ABI3BP: variants seen among roughly 807,000 people sequenced by gnomAD.
ABI3BP encodes the protein target of Nesh-SH3.
A neutral mutation model predicts 268.6 loss-of-function variants in ABI3BP; 216 were observed. That is an observed-to-expected ratio of 0.80 (90% CI 0.72 to 0.90). ABI3BP has a LOEUF of 0.90. Ranked by LOEUF, ABI3BP falls within the 40% of genes least tolerant of loss-of-function variation. ABI3BP has a pLI of 0.00. For synonymous variants in ABI3BP, 730 were observed against 730.0 expected (o/e 1.00, Z 0.00); for missense variants, 2,090 against 2,182.4 (o/e 0.96, Z 0.84).
chr3:100,838,562 C>T (rs531695768), intron 24 of ABI3BP, 98 bp from the exon 25 acceptor site: 159 of 1,016,684 alleles, frequency 1.6e-4, no homozygotes, highest in Middle Eastern at 1.4e-3. Context: ...ATAAATTCAA[C>T]GAATCTATAA....
chr3:100,928,097 A>G (rs144002198), intron 1 of ABI3BP, among the ~76,000 whole-genome samples: 145 of 152,046 alleles, frequency 9.5e-4, no homozygotes, highest in Non-Finnish European at 1.5e-3. Flanking sequence ...GATGGTGTTG[A>G]TCAAGACCCC....
chr3:100,810,355 A>G, intron 49 of ABI3BP, 57 bp downstream of exon 49: 2 of 1,419,068 alleles, frequency 1.4e-6, no homozygotes, highest in East Asian at 2.5e-5. Flanking sequence ...TGAGGTGACC[A>G]TACTGACATT....
At chr3:100,824,342 C>T (rs538365128) in intron 36 of ABI3BP, among the ~76,000 whole-genome samples, 2 of 152,250 alleles carry the variant, frequency 1.3e-5, no homozygotes, top group South Asian at 2.1e-4. Flanking sequence ...CCTCAGTGGG[C>T]CCAAGGTCCA....
intron 9 of ABI3BP, among the ~76,000 whole-genome samples, chr3:100,873,786 G>A (rs1291197168): frequency 1.3e-5 from 2 of 152,218 alleles, no homozygotes; most frequent in Admixed American, 1.3e-4. Context: ...ATGAGCAGGT[G>A]CCATGCCTGG....
chr3:100,935,763 G>T (rs1045468504), intron 1 of ABI3BP, among the ~76,000 whole-genome samples: 4 of 152,114 alleles, frequency 2.6e-5, no homozygotes, highest in African/African-American at 9.7e-5. Flanking sequence ...GTTCACTCAT[G>T]ATTTGGCTCT....
At chr3:100,871,013 A>C (rs968975209) in intron 9 of ABI3BP, among the ~76,000 whole-genome samples, 1 of 152,214 alleles carries the variant, frequency 6.6e-6, no homozygotes, top group Non-Finnish European at 1.5e-5. Context: ...ATAAAACTTT[A>C]TGAGGGATGG....
intron 14 of ABI3BP, among the ~76,000 whole-genome samples, chr3:100,858,343 C>T (rs2098961352): frequency 6.6e-6 from 1 of 152,112 alleles, no homozygotes; most frequent in South Asian, 2.1e-4. Flanking sequence ...AATGACAGAT[C>T]AGGACAAATA....
At chr3:100,848,266 A>G (rs2098797069) in intron 18 of ABI3BP, among the ~76,000 whole-genome samples, 1 of 152,200 alleles carries the variant, frequency 6.6e-6, no homozygotes, top group Non-Finnish European at 1.5e-5. Flanking sequence ...ATTATAATAA[A>G]CATGCACACC....
intron 1 of ABI3BP, among the ~76,000 whole-genome samples, chr3:100,984,014 T>A (rs1488846625): frequency 6.6e-6 from 1 of 152,206 alleles, no homozygotes; most frequent in African/African-American, 2.4e-5. Flanking sequence ...AAAAACGTAC[T>A]TGCAACCTTT....
At chr3:100,755,882 TAAG>T (rs1278770250) in intron 63 of ABI3BP, among the ~76,000 whole-genome samples, 7 of 152,222 alleles carry the variant, frequency 4.6e-5, no homozygotes, top group South Asian at 2.1e-4. Flanking sequence ...TATAATTAAA[TAAG>T]AATGCAGAAT....
intron 4 of ABI3BP, among the ~76,000 whole-genome samples, chr3:100,892,297 A>G (rs1363313528): frequency 6.6e-6 from 1 of 152,122 alleles, no homozygotes; most frequent in African/African-American, 2.4e-5. Context: ...GAAAGGAATC[A>G]CACACACACA....
At chr3:100,873,232 A>G (rs986628532) in intron 9 of ABI3BP, among the ~76,000 whole-genome samples, 7 of 152,232 alleles carry the variant, frequency 4.6e-5, no homozygotes, top group African/African-American at 1.4e-4. Flanking sequence ...TATTTGAAAA[A>G]CACATGAAGA....
chr3:100,959,648 G>T (rs1210258046), intron 1 of ABI3BP, among the ~76,000 whole-genome samples: 1 of 152,030 alleles, frequency 6.6e-6, no homozygotes, highest in Admixed American at 6.5e-5. Context: ...ACCTTCTTTT[G>T]GTTGTAGGCT....
chr3:100,864,074 G>C lies in ABI3BP; in HGVS notation c.1066C>G (p.Leu356Val), dbSNP rs2099025582. ...ALDVSETTLVLSKRTPETLQT... is the reference protein window; with the variant it reads ...ALDVSETTLVVSKRTPETLQT... ...AATGTTTCCGGGGTCCTTTTGCTGAGAACTACAATAAAAAAGAGTGCAGTT... is the reference window on the plus strand; with the variant it reads ...AATGTTTCCGGGGTCCTTTTGCTGACAACTACAATAAAAAAGAGTGCAGTT... Residue 356 changes from leucine (L) to valine (V), a missense_variant and splice_region_variant, in exon 12 of 68, where the codon CTC (leucine) becomes GTC (valine). Leu to Val is a conservative substitution (Grantham distance 32). Coordinates refer to ENST00000471714, the MANE Select transcript of ABI3BP (RefSeq NM_001375547.2). 10 of 1,535,098 alleles carry C rather than the reference G, an allele frequency of 6.5e-6. No individual in the cohort carries two copies. Among genetic ancestry groups the C allele is most frequent in the Non-Finnish European group, 8.7e-6 (10 of 1,145,878 alleles).
At position 100,814,175 on chromosome 3, in the gene ABI3BP, GA is replaced by G. The variant is rs369963175; in HGVS notation, c.3290-441del. Among the ~76,000 whole-genome samples the G allele has an allele frequency of 8.1e-3, 1,179 of 145,866 alleles. 18 individuals carry two copies. The highest frequency in any genetic ancestry group is 0.027 in the African/African-American group (1,066 of 39,974). ...AATAGTTATTGCTTAACTTTTCACA[GA>G]AAAAAAAAAATTGCTGACTCCTGAT... On this transcript the variant is annotated intron_variant, in intron 44 of 67. Coordinates refer to ENST00000471714, the MANE Select transcript of ABI3BP (RefSeq NM_001375547.2).
intron 2 of ABI3BP, among the ~76,000 whole-genome samples, chr3:100,919,232 C>T (rs900444852): frequency 2.8e-4 from 43 of 152,082 alleles, no homozygotes; most frequent in South Asian, 4.1e-4. Flanking sequence ...TTTTCAACCC[C>T]TATTTCTGTT....
rs1033405911 is a variant in ABI3BP at position 100,921,560 on chromosome 3, A to G, written c.259+4742T>C. On this transcript the variant is annotated intron_variant, in intron 2 of 67. Coordinates refer to ENST00000471714, the MANE Select transcript of ABI3BP (RefSeq NM_001375547.2). ...GAACTTAGAGGATCTATGAAATGTG[A>G]ATCATGTTTTATCACGTCATCGCAG... Among the ~76,000 whole-genome samples the G allele has an allele frequency of 2.0e-5, 3 of 152,112 alleles. No homozygotes were observed. The East Asian group carries it at 5.8e-4, about 29-fold the overall frequency.
At chr3:100,977,819 T>C (rs2087000892) in intron 1 of ABI3BP, among the ~76,000 whole-genome samples, 1 of 152,192 alleles carries the variant, frequency 6.6e-6, no homozygotes, top group Non-Finnish European at 1.5e-5. Context: ...TAAATTTTTT[T>C]ATACCACATC....
Position 100,886,235 on chromosome 3 carries a change from G to C in ABI3BP, c.550C>G (p.Leu184Val). Reference protein sequence around the residue: ...CPATETIVENLKPNTVYEFGV... With the variant: ...CPATETIVENVKPNTVYEFGV... ...AATTCATAAACTGTGTTGGGCTTTA[G>C]GTTTTCCACAATTGTTTCAGTGGCT... The change falls in exon 5 of 68, where the codon CTA becomes GTA. Residue 184 changes from leucine to valine, a missense_variant. By Grantham distance (32) the Leu-to-Val change is conservative. Transcript: ENST00000471714. The C allele has an allele frequency of 1.2e-6, 2 of 1,610,708 alleles. No homozygotes were observed. The highest frequency in any genetic ancestry group is 1.7e-6 in the Non-Finnish European group (2 of 1,178,068).
Sources: allele counts gnomAD v4.1 joint callset (sites outside exome capture counted in the v4.1 genomes callset), GRCh38; gene constraint gnomAD v4.1.1; transcripts MANE v1.5; gene names NCBI Gene and HGNC (gene_info 2026-07-23, HGNC 2026-07-21).